Variants in ELMO1 observed in about 807,000 individuals in gnomAD.
The protein encoded by ELMO1 is engulfment and cell motility protein 1.
A neutral mutation model predicts 98.9 loss-of-function variants in ELMO1; 26 were observed. The observed-to-expected ratio is 0.26, with a 90% confidence interval of 0.19 to 0.36. The LOEUF (loss-of-function observed/expected upper bound fraction) is 0.36. ELMO1 is among the 10% of genes least tolerant of loss of function. The pLI is 1.00. For missense variants in ELMO1, 627 were observed against 935.2 expected, an observed-to-expected ratio of 0.67 and a Z score of 4.30; for synonymous variants, 346 against 346.0, an observed-to-expected ratio of 1.00 and a Z score of 0.00.
intron 7 of ELMO1, among the ~76,000 whole-genome samples, chr7:37,237,422 T>C (rs1270985956): frequency 1.3e-5 from 2 of 152,174 alleles, no homozygotes; most frequent in Admixed American, 6.5e-5. Flanking sequence ...CCCAAGTAGC[T>C]GGGATTACAG....
At chr7:37,162,548 G>A (rs1011341431) in intron 13 of ELMO1, among the ~76,000 whole-genome samples, 3 of 152,188 alleles carry the variant, frequency 2.0e-5, no homozygotes, top group Admixed American at 1.3e-4. Context: ...AGGAGCACTT[G>A]TCAACCTACA....
intron 20 of ELMO1, among the ~76,000 whole-genome samples, chr7:36,862,710 G>A (rs911728250): frequency 1.3e-5 from 2 of 152,194 alleles, no homozygotes; most frequent in Non-Finnish European, 2.9e-5. Context: ...CAGCATGGAG[G>A]TTCCAGTGTG....
intron 4 of ELMO1, among the ~76,000 whole-genome samples, chr7:37,297,999 CT>C (rs1284059243): frequency 2.6e-5 from 4 of 152,026 alleles, no homozygotes; most frequent in Non-Finnish European, 4.4e-5. Context: ...GGATTTTGAT[CT>C]TTTTTTAATT....
chr7:36,949,875 T>C (rs2129103996), intron 16 of ELMO1, among the ~76,000 whole-genome samples: 1 of 152,286 alleles, frequency 6.6e-6, no homozygotes, highest in Middle Eastern at 3.4e-3. Flanking sequence ...TGAGAACTAC[T>C]GTGTGGCCTC....
intron 7 of ELMO1, among the ~76,000 whole-genome samples, chr7:37,242,850 G>A (rs1326420074): frequency 1.3e-5 from 2 of 152,130 alleles, no homozygotes; most frequent in Non-Finnish European, 2.9e-5. Context: ...CTAAGACTGA[G>A]GCTCTCTGCC....
chr7:37,330,140 T>C (rs190907929), intron 2 of ELMO1, among the ~76,000 whole-genome samples: 5 of 152,368 alleles, frequency 3.3e-5, no homozygotes, highest in Admixed American at 1.3e-4. Flanking sequence ...CACTGTCAGA[T>C]TTCCCTTTAA....
At position 37,137,019 on chromosome 7, in the gene ELMO1, G is replaced by A. The variant is rs180888813; in HGVS notation, c.1087-3785C>T. On this transcript the variant is annotated intron_variant, in intron 13 of 21. Coordinates refer to ENST00000310758, the MANE Select transcript of ELMO1 (RefSeq NM_014800.11). The stretch of plus-strand genomic sequence containing the variant: ...CCAACCAAGTTTCTGCTGCCTTCAA[G>A]AGACTCACCTAACACATAAGGACTC... 4.7e-4 allele frequency among the ~76,000 whole-genome samples: 71 copies of A among 152,204 alleles called. No individual in the cohort carries two copies. In the South Asian group the frequency reaches 6.8e-3, roughly 15 times the overall value.
intron 2 of ELMO1, among the ~76,000 whole-genome samples, chr7:37,318,642 AACAG>A (rs962533811): frequency 2.8e-4 from 42 of 152,346 alleles, no homozygotes; most frequent in African/African-American, 9.6e-4. Context: ...TTAGAGACTT[AACAG>A]ACAAAGATGA....
At chr7:37,085,638 T>G (rs1429549550) in intron 15 of ELMO1, among the ~76,000 whole-genome samples, 1 of 152,124 alleles carries the variant, frequency 6.6e-6, no homozygotes, top group African/African-American at 2.4e-5. Context: ...CAGTGATTAC[T>G]GCTTTGGAAA....
chr7:37,004,678 T>C (rs1342434141), intron 16 of ELMO1, among the ~76,000 whole-genome samples: 2 of 152,206 alleles, frequency 1.3e-5, no homozygotes, highest in Non-Finnish European at 2.9e-5. Context: ...AATGGTAAGA[T>C]TCACTCTTGG....
intron 16 of ELMO1, among the ~76,000 whole-genome samples, chr7:36,955,445 T>C (rs1168925540): frequency 1.3e-5 from 2 of 152,232 alleles, no homozygotes; most frequent in Admixed American, 6.5e-5. Flanking sequence ...CCTTCCTTTA[T>C]GAAAACATCC....
intron 15 of ELMO1, among the ~76,000 whole-genome samples, chr7:37,015,411 G>A (rs1435837564): frequency 6.6e-6 from 1 of 152,056 alleles, no homozygotes; most frequent in Non-Finnish European, 1.5e-5. Context: ...GACCAGCCTG[G>A]CCAACATGCT....
At chr7:37,341,508 GT>G (rs1800719675) in intron 2 of ELMO1, among the ~76,000 whole-genome samples, 1 of 152,196 alleles carries the variant, frequency 6.6e-6, no homozygotes, top group South Asian at 2.1e-4. Flanking sequence ...TCAGAGAGCA[GT>G]TAAAATGACA....
chr7:37,243,523 C>T (rs983108978), intron 7 of ELMO1, among the ~76,000 whole-genome samples: 2 of 152,158 alleles, frequency 1.3e-5, no homozygotes, highest in Non-Finnish European at 2.9e-5. Context: ...CTCAATATTG[C>T]TTTCTACTTT....
At chr7:36,947,388 T>C (rs1787585806) in intron 16 of ELMO1, among the ~76,000 whole-genome samples, 1 of 152,182 alleles carries the variant, frequency 6.6e-6, no homozygotes, top group South Asian at 2.1e-4. Context: ...GCAGGTACTA[T>C]TGCCCACCAA....
At chr7:37,435,194 C>T in intron 1 of ELMO1, 1 of 152,352 alleles carries the variant, frequency 6.6e-6, no homozygotes, top group East Asian at 1.9e-4. Flanking sequence ...TCCACTCCCA[C>T]TACTTCACTT....
At chr7:37,366,774 C>T (rs181965596) in intron 1 of ELMO1, among the ~76,000 whole-genome samples, 11 of 152,308 alleles carry the variant, frequency 7.2e-5, no homozygotes, top group East Asian at 5.8e-4. Flanking sequence ...ACTCCTCTAA[C>T]GGAGAAAGAG....
chr7:36,878,591 C>T (rs552126470), intron 18 of ELMO1, among the ~76,000 whole-genome samples: 4 of 152,176 alleles, frequency 2.6e-5, no homozygotes, highest in Non-Finnish European at 5.9e-5. Context: ...CAAACCCCTA[C>T]CCTAGGCTAC....
At position 37,170,770 on chromosome 7, in the gene ELMO1, C is replaced by A. The variant is rs114522965; in HGVS notation, c.1087-37536G>T. Reference sequence around the variant, plus strand: ...TACAGGCATGTGCCACCTTGCTGGGCTAATTTTTATATTTTTAGTAGAGAC... The same window carrying A: ...TACAGGCATGTGCCACCTTGCTGGGATAATTTTTATATTTTTAGTAGAGAC... On this transcript the variant is annotated intron_variant, in intron 13 of 21. Transcript: ENST00000310758. Among the ~76,000 whole-genome samples the A allele has an allele frequency of 3.0e-3, 450 of 152,078 alleles. 4 individuals carry two copies. The highest frequency in any genetic ancestry group is 0.01 in the African/African-American group (420 of 41,480).
Sources: gnomAD v4.1 joint callset for allele counts (sites outside exome capture counted in the v4.1 genomes callset) on GRCh38, gnomAD v4.1.1 for gene constraint, MANE v1.5 for transcripts, NCBI Gene and HGNC (gene_info 2026-07-23, HGNC 2026-07-21) for gene names.